The following OR8G1 variants were observed in gnomAD, a reference collection of about 807,000 sequenced individuals.
The protein encoded by OR8G1 is olfactory receptor 8G1.
For missense variants in OR8G1, 372 were observed against 356.2 expected, an observed-to-expected ratio of 1.04 and a Z score of -0.36; for synonymous variants, 129 against 133.3, an observed-to-expected ratio of 0.97 and a Z score of 0.22.
intron 1 of OR8G1, among the ~76,000 whole-genome samples, chr11:124,246,981 C>T (rs2512235): frequency 0.51 from 77,101 of 150,666 alleles, 20,327 homozygotes; most frequent in South Asian, 0.7. Context: ...TTAATAATAT[C>T]ATAAATTTTG....
chr11:124,253,802 A>G lies in OR8G1; in HGVS notation c.*3191A>G, dbSNP rs1158708977. The G allele has an allele frequency of 1.3e-5, 2 of 152,142 alleles. No individual in the cohort carries two copies. The highest frequency in any genetic ancestry group is 4.8e-5 in the African/African-American group (2 of 41,440). The allele number at this position is 152,142 out of a possible 1,614,324, so 9.4% of individuals were successfully genotyped here. A position where few individuals can be genotyped will look rare whatever the true frequency, so the allele number is the denominator to read the frequency against. ...TTAGATTCCACATGTATGTGAGATC[A>G]TGTAGTATTTGTCTTTCTGTGCCTG... On this transcript the variant is annotated 3_prime_UTR_variant, in exon 3 of 3. Transcript: ENST00000641972.
intron 1 of OR8G1, among the ~76,000 whole-genome samples, chr11:124,247,402 T>C (rs1242108600): frequency 6.6e-6 from 1 of 151,894 alleles, no homozygotes; most frequent in East Asian, 1.9e-4. Flanking sequence ...GAATACAATA[T>C]ATTTGATCAT....
intron 2 of OR8G1, among the ~76,000 whole-genome samples, chr11:124,249,454 A>G (rs1299250734): frequency 1.3e-5 from 2 of 152,202 alleles, no homozygotes; most frequent in Non-Finnish European, 2.9e-5. Flanking sequence ...AAAGTGTTCA[A>G]TGATAAAAAT....
intron 1 of OR8G1, among the ~76,000 whole-genome samples, chr11:124,247,324 A>C (rs1242405022): frequency 6.6e-6 from 1 of 151,832 alleles, no homozygotes; most frequent in Admixed American, 6.6e-5. Context: ...GGAATCAGAA[A>C]AAAGAAATCG....
intron 1 of OR8G1, among the ~76,000 whole-genome samples, chr11:124,243,377 C>T (rs913562765): frequency 3.0e-4 from 46 of 151,932 alleles, no homozygotes; most frequent in Non-Finnish European, 3.5e-4. Flanking sequence ...CACATGAGGA[C>T]ACATAAATAA....
chr11:124,249,591 C>A (rs2512240), intron 2 of OR8G1, 69 bp from the exon 3 acceptor site: 1,241,225 of 1,446,382 alleles, frequency 0.86, 533,291 homozygotes, highest in African/African-American at 0.97. Context: ...AACCTTTTCT[C>A]AATGAAGAAT....
rs1432089741 is a variant in OR8G1 at position 124,254,228 on chromosome 11, A to T, written c.*3617A>T. 1.3e-5 allele frequency: 2 copies of T among 152,166 alleles called. No individual in the cohort carries two copies. Among genetic ancestry groups the T allele is most frequent in the African/African-American group, 4.8e-5 (2 of 41,452 alleles). The allele number at this position is 152,166 out of a possible 1,614,324, so 9.4% of individuals were successfully genotyped here. Reference sequence around the variant, plus strand: ...ATCCGTTCTCTTTTTGATAGTAACTATCCTAACAAGTATGAGGTGATATCT... The same window carrying T: ...ATCCGTTCTCTTTTTGATAGTAACTTTCCTAACAAGTATGAGGTGATATCT... On this transcript the variant is annotated 3_prime_UTR_variant, in exon 3 of 3. Coordinates refer to ENST00000641972, the MANE Select transcript of OR8G1 (RefSeq NM_001002905.2).
rs1385701337 is a variant in OR8G1, at chr11:124,247,854, G to A, written c.-43G>A. ...TGAACATTTTTGTATAAATCTTCAT[G>A]TAGACAAACGTTTACATTTTTCTTG... is the stretch of plus-strand genomic sequence containing the variant. On this transcript the variant is annotated 5_prime_UTR_variant, in exon 2 of 3. The change abolishes an upstream ATG in the 5' untranslated region. Coordinates refer to ENST00000641972, the MANE Select transcript of OR8G1 (RefSeq NM_001002905.2). 1 of 151,810 alleles carries A rather than the reference G, an allele frequency of 6.6e-6. No homozygotes were observed. Among genetic ancestry groups the A allele is most frequent in the Non-Finnish European group, 1.5e-5 (1 of 67,828 alleles). The allele number at this position is 151,810 out of a possible 1,614,324, so 9.4% of individuals were successfully genotyped here. A position where few individuals can be genotyped will look rare whatever the true frequency, so the allele number is the denominator to read the frequency against.
chr11:124,247,350 T>C (rs1591391829), intron 1 of OR8G1, among the ~76,000 whole-genome samples: 1 of 151,942 alleles, frequency 6.6e-6, no homozygotes, highest in African/African-American at 2.4e-5. Flanking sequence ...TAGTCTACAA[T>C]TATGTTTAGA....
At position 124,250,452 on chromosome 11, in the gene OR8G1, C is replaced by G. The variant is rs4268525; in HGVS notation, c.777C>G (p.Tyr259Ter). 777,329 of 1,613,184 alleles carry G rather than the reference C, an allele frequency of 0.48. 191,495 individuals are homozygous for G. The highest frequency in any genetic ancestry group is 0.69 in the South Asian group (63,268 of 91,072). The change falls in exon 3 of 3, where the codon TAC (tyrosine) becomes TAG (stop). Residue 259 changes from tyrosine to a stop codon, truncating the protein, a stop_gained. Coordinates refer to ENST00000641972, the MANE Select transcript of OR8G1 (RefSeq NM_001002905.2). LOFTEE classifies it low-confidence loss of function (END_TRUNC). ...TTTTTGGATCTGCAGCATTCATGTACTTGCAGCCATCTTCAATCAGCTCCA... is the reference window on the plus strand; with the variant it reads ...TTTTTGGATCTGCAGCATTCATGTAGTTGCAGCCATCTTCAATCAGCTCCA... ...VIFFGSAAFM[Y>*]LQPSSISSMD...
chr11:124,246,619 G>GA (rs896745838), intron 1 of OR8G1, among the ~76,000 whole-genome samples: 1 of 150,290 alleles, frequency 6.7e-6, no homozygotes, highest in African/African-American at 2.4e-5. Context: ...GTAAACAAGA[G>GA]AAAAAAAACA....
At position 124,250,388 on chromosome 11, in the gene OR8G1, T is replaced by A. The variant is rs771933167; in HGVS notation, c.713T>A (p.Phe238Tyr). The change falls in exon 3 of 3, where the codon TTC (phenylalanine) becomes TAC (tyrosine). Residue 238 changes from phenylalanine (F) to tyrosine (Y), a missense_variant. Phe to Tyr is a conservative substitution (Grantham distance 22, BLOSUM62 3). Coordinates refer to ENST00000641972, the MANE Select transcript of OR8G1 (RefSeq NM_001002905.2). ...TCCACTGAGGGCAGGTCCAAAGCCT[T>A]CAGCACTTGTAGCTCCCACATGTTG... is the stretch of plus-strand genomic sequence containing the variant. ...IRSTEGRSKAFSTCSSHMLAV... is the reference protein window; with the variant it reads ...IRSTEGRSKAYSTCSSHMLAV... 3.1e-6 allele frequency: 5 copies of A among 1,613,688 alleles called. No individual in the cohort carries two copies. Among genetic ancestry groups the A allele is most frequent in the African/African-American group, 2.7e-5 (2 of 74,894 alleles).
rs1861863625 is a variant in OR8G1 at position 124,250,808 on chromosome 11, A to C, written c.*197A>C. 1.1e-5 allele frequency: 3 copies of C among 283,800 alleles called. 1 individual carries two copies. The Admixed American group carries it at 1.6e-4, about 15-fold the overall frequency. The allele number at this position is 283,800 out of a possible 1,614,324, so 17.6% of individuals were successfully genotyped here. A position where few individuals can be genotyped will look rare whatever the true frequency, so the allele number is the denominator to read the frequency against. ...TTTAACTCATATGTATCAATGAGACACAAATTAATATAAATACTAAAATCG... is the reference window on the plus strand; with the variant it reads ...TTTAACTCATATGTATCAATGAGACCCAAATTAATATAAATACTAAAATCG... On this transcript the variant is annotated 3_prime_UTR_variant, in exon 3 of 3. Transcript: ENST00000641972.
At chr11:124,248,521 G>GT (rs1396152772) in intron 2 of OR8G1, among the ~76,000 whole-genome samples, 2 of 151,510 alleles carry the variant, frequency 1.3e-5, no homozygotes, top group African/African-American at 4.8e-5. Flanking sequence ...CTGTATTTTA[G>GT]TTTTTTTATA....
chr11:124,253,732 C>T lies in OR8G1; in HGVS notation c.*3121C>T, dbSNP rs1861885007. ...ACATCTCCTCCCACACGCCCAGCTGCAGATAAACACAATTCTACTGTCTAC... is the reference window on the plus strand; with the variant it reads ...ACATCTCCTCCCACACGCCCAGCTGTAGATAAACACAATTCTACTGTCTAC... On this transcript the variant is annotated 3_prime_UTR_variant, in exon 3 of 3. Coordinates refer to ENST00000641972, the MANE Select transcript of OR8G1 (RefSeq NM_001002905.2). 6.6e-6 allele frequency: 1 copy of T among 152,144 alleles called. No homozygotes were observed. Among genetic ancestry groups the T allele is most frequent in the Admixed American group, 6.6e-5 (1 of 15,250 alleles). The allele number at this position is 152,144 out of a possible 1,614,324, so 9.4% of individuals were successfully genotyped here. A position where few individuals can be genotyped will look rare whatever the true frequency, so the allele number is the denominator to read the frequency against.
At chr11:124,243,870 A>C (rs1044669736) in intron 1 of OR8G1, among the ~76,000 whole-genome samples, 1 of 152,038 alleles carries the variant, frequency 6.6e-6, no homozygotes, top group African/African-American at 2.4e-5. Context: ...CCACCATGGC[A>C]CATGTATATC....
rs760195365 is a variant in OR8G1 at position 124,249,781 on chromosome 11, G to A, written c.106G>A (p.Val36Met). 3 of 1,613,930 alleles carry A rather than the reference G, an allele frequency of 1.9e-6. No individual in the cohort carries two copies. Among genetic ancestry groups the A allele is most frequent in the Non-Finnish European group, 2.5e-6 (3 of 1,179,910 alleles). The change falls in exon 3 of 3, where the codon GTG becomes ATG. Residue 36 changes from valine (V) to methionine (M), a missense_variant. Transcript: ENST00000641972. ...PLFLLFLGIY[V>M]VTVVGNLGMT... ...CTTCCTCCTGTTCTTAGGAATCTATGTGGTCACAGTGGTGGGCAACCTGGG... is the reference window on the plus strand; with the variant it reads ...CTTCCTCCTGTTCTTAGGAATCTATATGGTCACAGTGGTGGGCAACCTGGG...
intron 1 of OR8G1, among the ~76,000 whole-genome samples, chr11:124,244,107 A>G (rs1228793432): frequency 1.3e-5 from 2 of 150,398 alleles, no homozygotes; most frequent in Non-Finnish European, 3.0e-5. Flanking sequence ...GAAAGGATGG[A>G]GAGAGGGAGA....
Position 124,250,134 on chromosome 11 carries a change from G to T in OR8G1, c.459G>T (p.Leu153=), listed in dbSNP as rs1248685888. The change falls in exon 3 of 3, where the codon CTG becomes CTT. Residue 153 remains leucine (L), a synonymous_variant. Coordinates refer to ENST00000641972, the MANE Select transcript of OR8G1 (RefSeq NM_001002905.2). Reference sequence around the variant, plus strand: ...TTTTAGGGGTGTATATAATAGGCCTGGTTTGTGCATCAGTTCATACAGGCT... The same window carrying T: ...TTTTAGGGGTGTATATAATAGGCCTTGTTTGTGCATCAGTTCATACAGGCT... ...SLILGVYIIG[L]VCASVHTGCM... 2 of 1,613,684 alleles carry T rather than the reference G, an allele frequency of 1.2e-6. No individual in the cohort carries two copies. Among genetic ancestry groups the T allele is most frequent in the Non-Finnish European group, 1.7e-6 (2 of 1,179,802 alleles).
Sources: gnomAD v4.1 joint callset for allele counts (sites outside exome capture counted in the v4.1 genomes callset) on GRCh38, gnomAD v4.1.1 for gene constraint, MANE v1.5 for transcripts, NCBI Gene and HGNC (gene_info 2026-07-23, HGNC 2026-07-21) for gene names.